PLXNA4: variants seen among roughly 807,000 people sequenced by gnomAD.
PLXNA4 encodes plexin-A4.
Under a neutral mutation model 191.8 loss-of-function variants are expected in PLXNA4, and 44 were observed. The observed-to-expected ratio is 0.23, with a 90% CI of 0.18 to 0.29. The LOEUF is 0.29. Ranked by LOEUF, PLXNA4 falls within the 10% of genes least tolerant of loss-of-function variation. The probability of loss-of-function intolerance (pLI) is 1.00; values close to 1 mark genes in which losing one functional copy is unlikely to be tolerated. For missense variants in PLXNA4, 1,800 were observed against 2,488.8 expected, an observed-to-expected ratio of 0.72 and a Z score of 5.89; for synonymous variants, 1,082 against 1,009.5, an observed-to-expected ratio of 1.07 and a Z score of -1.36.
At chr7:132,408,448 C>CTTA (rs1554434268) in intron 3 of PLXNA4, among the ~76,000 whole-genome samples, 2 of 149,498 alleles carry the variant, frequency 1.3e-5, no homozygotes, top group South Asian at 2.1e-4. Flanking sequence ...CACAAAAACA[C>CTTA]TTTATTTATT....
intron 4 of PLXNA4, among the ~76,000 whole-genome samples, chr7:132,292,332 A>G (rs1044271521): frequency 5.3e-5 from 8 of 152,198 alleles, no homozygotes; most frequent in African/African-American, 1.9e-4. Flanking sequence ...AACTAGGGAC[A>G]AGAAGGGATG....
intron 2 of PLXNA4, among the ~76,000 whole-genome samples, chr7:132,639,039 G>A (rs750495602): frequency 6.6e-6 from 1 of 152,156 alleles, no homozygotes; most frequent in Non-Finnish European, 1.5e-5. Flanking sequence ...CTAGGGGTTG[G>A]CATCCCAGAG....
At chr7:132,647,550 TACTC>T (rs1319260376) in intron 1 of PLXNA4, among the ~76,000 whole-genome samples, 2 of 149,166 alleles carry the variant, frequency 1.3e-5, no homozygotes, top group African/African-American at 5.0e-5. Context: ...TACACTCACA[TACTC>T]ACACATATGC....
intron 2 of PLXNA4, among the ~76,000 whole-genome samples, chr7:132,586,640 C>G (rs563917190): frequency 6.6e-6 from 1 of 152,290 alleles, no homozygotes; most frequent in Non-Finnish European, 1.5e-5. Context: ...GTAGTCCCAG[C>G]TACTCAAGAG....
intron 3 of PLXNA4, among the ~76,000 whole-genome samples, chr7:132,342,360 T>C (rs138413016): frequency 4.0e-5 from 6 of 151,792 alleles, no homozygotes; most frequent in African/African-American, 4.8e-5. Flanking sequence ...GTTCTGTGAA[T>C]ATAATGAGTT....
At chr7:132,392,986 T>A (rs1420663699) in intron 3 of PLXNA4, among the ~76,000 whole-genome samples, 1 of 152,104 alleles carries the variant, frequency 6.6e-6, no homozygotes, top group Non-Finnish European at 1.5e-5. Context: ...GCTTCACAGC[T>A]TCCTCTGCAG....
At chr7:132,515,550 G>T (rs1418461207) in intron 1 of PLXNA4, among the ~76,000 whole-genome samples, 2 of 152,188 alleles carry the variant, frequency 1.3e-5, no homozygotes, top group Non-Finnish European at 2.9e-5. Flanking sequence ...AAGCCAAACA[G>T]ATCTGTGCCT....
At chr7:132,641,694 T>G (rs1298148636) in intron 2 of PLXNA4, among the ~76,000 whole-genome samples, 1 of 152,156 alleles carries the variant, frequency 6.6e-6, no homozygotes. Flanking sequence ...GCTATTCCGT[T>G]TTCTTTCTAT....
intron 3 of PLXNA4, among the ~76,000 whole-genome samples, chr7:132,373,787 CTGGGAAAA>C (rs1218175192): frequency 3.9e-5 from 6 of 152,178 alleles, no homozygotes; most frequent in African/African-American, 1.4e-4. Context: ...AGAGAGAAAT[CTGGGAAAA>C]TGGGAAACTT....
intron 3 of PLXNA4, among the ~76,000 whole-genome samples, chr7:132,355,420 G>A (rs936139407): frequency 4.6e-5 from 7 of 152,148 alleles, no homozygotes; most frequent in African/African-American, 1.2e-4. Flanking sequence ...AATCCCCCAG[G>A]ACAGCTGACG....
At chr7:132,444,997 C>CA (rs989882999) in intron 3 of PLXNA4, among the ~76,000 whole-genome samples, 6 of 150,970 alleles carry the variant, frequency 4.0e-5, no homozygotes, top group East Asian at 2.0e-4. Flanking sequence ...TTAAAAAATA[C>CA]AAAAAAATTA....
chr7:132,311,797 G>C (rs1329554936), intron 3 of PLXNA4, among the ~76,000 whole-genome samples: 1 of 152,116 alleles, frequency 6.6e-6, no homozygotes, highest in Non-Finnish European at 1.5e-5. Context: ...CTGGGGTGAG[G>C]CATGTGAATA....
intron 29 of PLXNA4, among the ~76,000 whole-genome samples, chr7:132,143,278 G>C (rs1424669711): frequency 6.6e-6 from 1 of 152,160 alleles, no homozygotes; most frequent in African/African-American, 2.4e-5. Context: ...CCTCAGGGTT[G>C]GGGGAAACTG....
chr7:132,360,012 A>G (rs573856959), intron 3 of PLXNA4, among the ~76,000 whole-genome samples: 1 of 152,322 alleles, frequency 6.6e-6, no homozygotes, highest in Admixed American at 6.5e-5. Flanking sequence ...CTCAATTGCT[A>G]TTGAGTTCTC....
intron 3 of PLXNA4, among the ~76,000 whole-genome samples, chr7:132,407,972 C>T (rs1006966324): frequency 6.6e-6 from 1 of 151,960 alleles, no homozygotes; most frequent in Non-Finnish European, 1.5e-5. Flanking sequence ...TGTGTTCATA[C>T]CCTCTGGCCT....
At chr7:132,209,870 C>A (rs6951911) in intron 10 of PLXNA4, among the ~76,000 whole-genome samples, 39,782 of 152,060 alleles carry the variant, frequency 0.26, 6,844 homozygotes, top group East Asian at 0.59. Context: ...CTGCCACTCA[C>A]TAGTTGTGTG....
chr7:132,177,849 T>C lies in PLXNA4; in HGVS notation c.3874+1838A>G, dbSNP rs536748680. On this transcript the variant is annotated intron_variant, in intron 20 of 31. Coordinates refer to ENST00000321063, the MANE Select transcript of PLXNA4 (RefSeq NM_020911.2). ...ACAAGGCGGATGCTGTGTTGACAGC[T>C]GAAGGATGTAGAGAGGGGATGGAAT... 3.3e-5 allele frequency among the ~76,000 whole-genome samples: 5 copies of C among 152,290 alleles called. 1 individual carries two copies. The South Asian group carries it at 1.0e-3, about 32-fold the overall frequency.
intron 10 of PLXNA4, among the ~76,000 whole-genome samples, chr7:132,207,287 G>A (rs912860554): frequency 1.2e-4 from 18 of 152,178 alleles, no homozygotes; most frequent in African/African-American, 4.1e-4. Context: ...GGTAAATGAC[G>A]GTGCCAAGAG....
chr7:132,528,126 A>C (rs934104008), intron 1 of PLXNA4, among the ~76,000 whole-genome samples: 1 of 152,204 alleles, frequency 6.6e-6, no homozygotes, highest in African/African-American at 2.4e-5. Context: ...GAAGGTATTA[A>C]CCAACTCGGG....
Sources: allele counts gnomAD v4.1 joint callset (sites outside exome capture counted in the v4.1 genomes callset), GRCh38; gene constraint gnomAD v4.1.1; transcripts MANE v1.5; gene names NCBI Gene and HGNC (gene_info 2026-07-23, HGNC 2026-07-21).